The following SMARCC1 variants were observed in gnomAD, a reference collection of about 807,000 sequenced individuals.
The protein encoded by SMARCC1 is SWI/SNF related BAF chromatin remodeling complex subunit C1, also known as SWI/SNF complex subunit SMARCC1.
In SMARCC1, 43 loss-of-function variants were observed where a neutral mutation model predicts 147.4. The ratio of observed to expected loss-of-function variants is 0.29; its 90% confidence interval spans 0.23 to 0.38. SMARCC1 has a LOEUF of 0.38. Ranked by LOEUF, SMARCC1 falls within the 10% of genes least tolerant of loss-of-function variation. The pLI is 1.00. For missense variants in SMARCC1, 1,119 were observed against 1,381.1 expected, an observed-to-expected ratio of 0.81 and a Z score of 3.01; for synonymous variants, 495 against 484.4, an observed-to-expected ratio of 1.02 and a Z score of -0.29.
At position 47,736,019 on chromosome 3, in the gene SMARCC1, G is replaced by C; in HGVS notation, c.576+15C>G. On this transcript the variant is annotated intron_variant, in intron 5 of 27. Coordinates refer to ENST00000254480, the MANE Select transcript of SMARCC1 (RefSeq NM_003074.4). ...GATCGTGTCTATTATTATCTGAAGT[G>C]ATTGTGTCTATTACCTGATGTCGTT... 7.9e-7 allele frequency: 1 copy of C among 1,271,658 alleles called. No homozygotes were observed. The highest frequency in any genetic ancestry group is 1.1e-6 in the Non-Finnish European group (1 of 889,152). 78.8% of individuals were successfully genotyped at this position (1,271,658 alleles called of 1,614,324 possible).
intron 24 of SMARCC1, among the ~76,000 whole-genome samples, chr3:47,625,493 C>T (rs1473180703): frequency 6.6e-6 from 1 of 152,056 alleles, no homozygotes; most frequent in Non-Finnish European, 1.5e-5. Flanking sequence ...TCTTGGCCTC[C>T]CCAAGTGCTG....
chr3:47,719,005 G>A (rs999960418), intron 7 of SMARCC1, among the ~76,000 whole-genome samples: 8 of 151,970 alleles, frequency 5.3e-5, no homozygotes, highest in Admixed American at 6.6e-5. Context: ...CTCCGCCCCC[G>A]GGGTTCATGC....
intron 3 of SMARCC1, 90 bp downstream of exon 3, chr3:47,745,818 A>G: frequency 2.8e-6 from 2 of 714,150 alleles, no homozygotes; most frequent in Admixed American, 2.9e-5. Flanking sequence ...ATTAATCATC[A>G]TGTGCTTACA....
chr3:47,651,390 A>T (rs922663590), intron 21 of SMARCC1, among the ~76,000 whole-genome samples: 1 of 152,220 alleles, frequency 6.6e-6, no homozygotes, highest in Admixed American at 6.5e-5. Flanking sequence ...TTAATATTTT[A>T]CAATAGCCCA....
At chr3:47,702,953 G>C (rs2106789299) in intron 10 of SMARCC1, among the ~76,000 whole-genome samples, 1 of 152,246 alleles carries the variant, frequency 6.6e-6, no homozygotes. Context: ...GTAGGAGACA[G>C]TCTTGCTCTG....
intron 9 of SMARCC1, among the ~76,000 whole-genome samples, chr3:47,708,287 C>T (rs2034041524): frequency 6.6e-6 from 1 of 150,912 alleles, no homozygotes; most frequent in Non-Finnish European, 1.5e-5. Flanking sequence ...ACTACAGTTG[C>T]GCACCACCAT....
chr3:47,710,652 T>G, intron 9 of SMARCC1, 31 bp downstream of exon 9: 3 of 1,608,286 alleles, frequency 1.9e-6, no homozygotes, highest in Non-Finnish European at 2.5e-6. Context: ...AAGACAGACT[T>G]AATGATGAGA....
intron 2 of SMARCC1, among the ~76,000 whole-genome samples, chr3:47,762,602 C>T (rs1160177718): frequency 5.9e-5 from 9 of 152,208 alleles, no homozygotes; most frequent in East Asian, 1.9e-4. Context: ...CACCAAATCA[C>T]GTAACAATTG....
At chr3:47,668,203 C>A (rs2033448173) in intron 19 of SMARCC1, among the ~76,000 whole-genome samples, 5 of 151,822 alleles carry the variant, frequency 3.3e-5, no homozygotes, top group Admixed American at 2.0e-4. Flanking sequence ...GCTACTTATT[C>A]TTGTTGTGCT....
chr3:47,723,383 CAG>C (rs1202724750), intron 6 of SMARCC1, among the ~76,000 whole-genome samples: 1 of 99,512 alleles, frequency 1.0e-5, no homozygotes, highest in Admixed American at 1.5e-4. Flanking sequence ...TTTTTTGAGA[CAG>C]AGTCTCACTC....
chr3:47,687,376 C>T (rs1276678836), intron 13 of SMARCC1, among the ~76,000 whole-genome samples: 3 of 152,040 alleles, frequency 2.0e-5, no homozygotes, highest in Admixed American at 6.6e-5. Context: ...AAAAATTTCC[C>T]TTATTCAGAA....
At chr3:47,754,699 G>GA (rs111388450) in intron 2 of SMARCC1, among the ~76,000 whole-genome samples, 1,905 of 151,772 alleles carry the variant, frequency 0.013, 43 homozygotes, top group African/African-American at 0.043. Context: ...TCAAAGGGAG[G>GA]AAAAAAAAGA....
chr3:47,590,754 G>A lies in SMARCC1; in HGVS notation c.3127C>T (p.Pro1043Ser). ...MIPTVAANIH[P>S]SGSGPTPPGM... ...GGAGGGGTAGGGCCACTCCCAGAGG[G>A]GTGGATGTTGGCTGCAACAGTGGGA... is the stretch of plus-strand genomic sequence containing the variant. The change falls in exon 27 of 28, where the codon CCC (proline) becomes TCC (serine). Residue 1043 changes from proline to serine, a missense_variant. Pro to Ser is a moderately conservative substitution (Grantham distance 74, BLOSUM62 -1). Transcript: ENST00000254480. 2 of 1,604,216 alleles carry A rather than the reference G, an allele frequency of 1.2e-6. No individual in the cohort carries two copies. Among genetic ancestry groups the A allele is most frequent in the Non-Finnish European group, 1.7e-6 (2 of 1,176,114 alleles).
In SMARCC1 at chr3:47,586,043, T is replaced by TC. The variant is rs200719659; in HGVS notation, c.*2165dup. ...TGTTTGTACAAAAACCACATATTATTCCCCCCCCTCACAAAATCAGGTGGC... is the reference window on the plus strand; with the variant it reads ...TGTTTGTACAAAAACCACATATTATTCCCCCCCCCTCACAAAATCAGGTGGC... On this transcript the variant is annotated 3_prime_UTR_variant, in exon 28 of 28. Coordinates refer to ENST00000254480, the MANE Select transcript of SMARCC1 (RefSeq NM_003074.4). 6.2e-4 allele frequency: 92 copies of TC among 148,872 alleles called. No homozygotes were observed. The highest frequency in any genetic ancestry group is 3.4e-3 in the Middle Eastern group (1 of 292). 9.2% of individuals were successfully genotyped at this position (148,872 alleles called of 1,614,324 possible). A position where few individuals can be genotyped will look rare whatever the true frequency, so the allele number is the denominator to read the frequency against.
chr3:47,718,082 T>C (rs1327005678), intron 7 of SMARCC1, among the ~76,000 whole-genome samples: 1 of 147,440 alleles, frequency 6.8e-6, no homozygotes, highest in Non-Finnish European at 1.5e-5. Context: ...GAGGATCACT[T>C]GAGCTGTCTT....
intron 20 of SMARCC1, among the ~76,000 whole-genome samples, chr3:47,661,878 CCTTT>C (rs1363127216): frequency 1.3e-5 from 2 of 152,160 alleles, no homozygotes; most frequent in Non-Finnish European, 2.9e-5. Flanking sequence ...TAAATGACTT[CCTTT>C]GCTAGTTACA....
At chr3:47,729,126 T>C (rs1211786029) in intron 5 of SMARCC1, 32 bp from the exon 6 acceptor site, 2 of 1,452,844 alleles carry the variant, frequency 1.4e-6, no homozygotes, top group East Asian at 2.3e-5. Flanking sequence ...ACCACAAAAA[T>C]AAAGCACATG....
At chr3:47,705,614 G>A (rs1348198552) in intron 10 of SMARCC1, among the ~76,000 whole-genome samples, 1 of 152,152 alleles carries the variant, frequency 6.6e-6, no homozygotes, top group African/African-American at 2.4e-5. Flanking sequence ...GGGTAGAGAG[G>A]AAAGTCTATA....
intron 11 of SMARCC1, among the ~76,000 whole-genome samples, chr3:47,699,612 A>G (rs995734666): frequency 3.3e-5 from 5 of 150,336 alleles, no homozygotes; most frequent in African/African-American, 4.8e-5. Context: ...ATATTGCTCT[A>G]TATGTCTATA....
Sources: allele counts gnomAD v4.1 joint callset (sites outside exome capture counted in the v4.1 genomes callset), GRCh38; gene constraint gnomAD v4.1.1; transcripts MANE v1.5; gene names NCBI Gene and HGNC (gene_info 2026-07-23, HGNC 2026-07-21).